NELL1: variants seen among roughly 807,000 people sequenced by gnomAD.
NELL1 encodes protein kinase C-binding protein NELL1.
A neutral mutation model predicts 107.4 loss-of-function variants in NELL1; 76 were observed. That is an observed-to-expected ratio of 0.71 (90% confidence interval 0.59 to 0.86). The LOEUF (loss-of-function observed/expected upper bound fraction) is 0.86, where lower values mean the gene tolerates loss of function less well. NELL1 is among the 40% of genes least tolerant of loss of function. The probability of loss-of-function intolerance (pLI) is 0.00; values close to 1 mark genes in which losing one functional copy is unlikely to be tolerated. For synonymous variants in NELL1, 353 were observed against 341.2 expected, an observed-to-expected ratio of 1.03 and a Z score of -0.38; for missense variants, 1,024 against 1,005.5, an observed-to-expected ratio of 1.02 and a Z score of -0.25.
intron 4 of NELL1, among the ~76,000 whole-genome samples, chr11:20,868,722 G>A (rs1442419971): frequency 6.6e-6 from 1 of 152,080 alleles, no homozygotes; most frequent in Admixed American, 6.5e-5. Context: ...TACATATTGA[G>A]TAGGTCCATT....
chr11:21,186,619 T>C (rs1417298552), intron 13 of NELL1, among the ~76,000 whole-genome samples: 1 of 151,834 alleles, frequency 6.6e-6, no homozygotes. Flanking sequence ...CATAGTGCAG[T>C]TGGTTTCAAG....
At chr11:21,507,745 T>A (rs1175849619) in intron 15 of NELL1, among the ~76,000 whole-genome samples, 1 of 150,990 alleles carries the variant, frequency 6.6e-6, no homozygotes, top group African/African-American at 2.4e-5. Flanking sequence ...AATAAAAATA[T>A]ACCAGAGAGT....
intron 14 of NELL1, among the ~76,000 whole-genome samples, chr11:21,232,352 T>A (rs1858086411): frequency 6.7e-6 from 1 of 149,530 alleles, no homozygotes. Flanking sequence ...AAAAATTGAT[T>A]AGTATTACTT....
intron 14 of NELL1, among the ~76,000 whole-genome samples, chr11:21,365,969 T>A (rs1851209427): frequency 6.6e-6 from 1 of 152,164 alleles, no homozygotes; most frequent in African/African-American, 2.4e-5. Flanking sequence ...TATAGGGCTG[T>A]CCTGTGCATT....
chr11:21,064,503 T>C (rs1487822063), intron 12 of NELL1, among the ~76,000 whole-genome samples: 1 of 152,116 alleles, frequency 6.6e-6, no homozygotes, highest in East Asian at 1.9e-4. Flanking sequence ...AGGGGTTGAG[T>C]AGTCCAAGGT....
chr11:21,468,868 A>C (rs1854100308), intron 15 of NELL1, among the ~76,000 whole-genome samples: 1 of 152,094 alleles, frequency 6.6e-6, no homozygotes, highest in South Asian at 2.1e-4. Flanking sequence ...CACACTTAAG[A>C]ATGAGCCAAG....
intron 2 of NELL1, among the ~76,000 whole-genome samples, chr11:20,765,362 A>C (rs1487120066): frequency 7.2e-5 from 11 of 152,192 alleles, no homozygotes; most frequent in Admixed American, 7.2e-4. Context: ...CCATTTCTCC[A>C]ATGTCCTTCA....
chr11:21,413,885 A>G (rs1428351581), intron 15 of NELL1, among the ~76,000 whole-genome samples: 2 of 152,118 alleles, frequency 1.3e-5, no homozygotes, highest in Non-Finnish European at 2.9e-5. Flanking sequence ...GGCAGGGGGC[A>G]TCAGTGGAAG....
intron 2 of NELL1, among the ~76,000 whole-genome samples, chr11:20,720,180 A>G (rs1855346212): frequency 6.7e-6 from 1 of 148,716 alleles, no homozygotes; most frequent in South Asian, 2.1e-4. Flanking sequence ...ATTTTCATTT[A>G]TAAGGTGGCC....
In NELL1 at chr11:21,460,183, A is replaced by T. The variant is rs575513272; in HGVS notation, c.1646-74191A>T. Among the ~76,000 whole-genome samples the T allele has an allele frequency of 1.3e-4, 20 of 151,858 alleles. 1 individual carries two copies. In the South Asian group the frequency reaches 3.9e-3, roughly 30 times the overall value. ...GAAGACCAGAAATGGACAAAAGAAC[A>T]TGATGGGAAAATGCACAGAAAAAAA... On this transcript the variant is annotated intron_variant, in intron 15 of 19. Transcript: ENST00000357134.
At chr11:20,715,143 C>T (rs558807562) in intron 2 of NELL1, among the ~76,000 whole-genome samples, 2 of 151,848 alleles carry the variant, frequency 1.3e-5, no homozygotes, top group South Asian at 4.2e-4. Flanking sequence ...TACTCGGGAC[C>T]CTGAGGCAGG....
At chr11:21,536,631 C>A (rs1564947605) in intron 16 of NELL1, among the ~76,000 whole-genome samples, 1 of 152,032 alleles carries the variant, frequency 6.6e-6, no homozygotes, top group Non-Finnish European at 1.5e-5. Context: ...GGGCTTTTTT[C>A]TTCTGTTTCT....
chr11:21,555,039 G>T (rs1385346702), intron 16 of NELL1, among the ~76,000 whole-genome samples: 1 of 151,944 alleles, frequency 6.6e-6, no homozygotes, highest in African/African-American at 2.4e-5. Context: ...TTTTTAAAAT[G>T]AGAGACAACT....
At chr11:20,719,701 ATG>A in intron 2 of NELL1, among the ~76,000 whole-genome samples, 1 of 152,214 alleles carries the variant, frequency 6.6e-6, no homozygotes, top group South Asian at 2.1e-4. Flanking sequence ...GGTTGGAAGC[ATG>A]AGGATTATTT....
At chr11:20,817,450 G>A (rs1282821947) in intron 3 of NELL1, among the ~76,000 whole-genome samples, 1 of 152,046 alleles carries the variant, frequency 6.6e-6, no homozygotes, top group Non-Finnish European at 1.5e-5. Context: ...AGTCTCTGAG[G>A]ATCTTTTGTA....
chr11:20,856,701 C>T (rs1848887942), intron 4 of NELL1, among the ~76,000 whole-genome samples: 1 of 152,202 alleles, frequency 6.6e-6, no homozygotes, highest in Non-Finnish European at 1.5e-5. Context: ...AAGAAAGAGG[C>T]TGGGGAAATG....
intron 13 of NELL1, among the ~76,000 whole-genome samples, chr11:21,154,990 G>C (rs367974813): frequency 6.6e-6 from 1 of 152,118 alleles, no homozygotes; most frequent in Non-Finnish European, 1.5e-5. Flanking sequence ...GGTGAGGTTA[G>C]GCGCAGAAAA....
chr11:20,977,404 A>C (rs534598264), intron 12 of NELL1, among the ~76,000 whole-genome samples: 1 of 151,838 alleles, frequency 6.6e-6, no homozygotes, highest in Admixed American at 6.6e-5. Flanking sequence ...AGCTGGGACT[A>C]CAGGCATCTG....
intron 3 of NELL1, among the ~76,000 whole-genome samples, chr11:20,826,104 A>C (rs1482515862): frequency 6.6e-6 from 1 of 151,460 alleles, no homozygotes; most frequent in South Asian, 2.1e-4. Flanking sequence ...CATCATGATC[A>C]TAAGTTTCCT....
Sources: allele counts gnomAD v4.1 joint callset (sites outside exome capture counted in the v4.1 genomes callset), GRCh38; gene constraint gnomAD v4.1.1; transcripts MANE v1.5; gene names NCBI Gene and HGNC (gene_info 2026-07-23, HGNC 2026-07-21).